The following EBF1 variants were observed in gnomAD, a reference collection of about 807,000 sequenced individuals.
EBF1 encodes transcription factor COE1.
Under a neutral mutation model 68.4 loss-of-function variants are expected in EBF1, and 10 were observed. The ratio of observed to expected loss-of-function variants is 0.15; its 90% CI spans 0.09 to 0.25. EBF1 has a LOEUF of 0.25. Ranked by LOEUF, EBF1 falls within the 10% of genes least tolerant of loss-of-function variation. The pLI is 1.00. For synonymous variants in EBF1, 298 were observed against 299.8 expected (o/e 0.99, Z 0.06); for missense variants, 509 against 794.4 (o/e 0.64, Z 4.32).
At position 158,699,037 on chromosome 5, in the gene EBF1, TG is replaced by T; in HGVS notation, c.*73del. On this transcript the variant is annotated 3_prime_UTR_variant, in exon 16 of 16. Coordinates refer to ENST00000313708, the MANE Select transcript of EBF1 (RefSeq NM_024007.5). ...AAGGCCTGAGTTAAAAGTTCCACTCTGGGACTTGTATCAGATTACTCTCTGT... is the reference window on the plus strand; with the variant it reads ...AAGGCCTGAGTTAAAAGTTCCACTCTGGACTTGTATCAGATTACTCTCTGT... 1.4e-6 allele frequency: 2 copies of T among 1,416,058 alleles called. No individual in the cohort carries two copies. Among genetic ancestry groups the T allele is most frequent in the Non-Finnish European group, 1.9e-6 (2 of 1,046,604 alleles). 87.7% of individuals were successfully genotyped at this position (1,416,058 alleles called of 1,614,324 possible).
chr5:158,758,758 T>C (rs779915424), intron 10 of EBF1, among the ~76,000 whole-genome samples: 1 of 152,180 alleles, frequency 6.6e-6, no homozygotes, highest in African/African-American at 2.4e-5. Context: ...GTATTTGTAC[T>C]TCCCAAACAT....
chr5:158,730,723 A>T (rs1237275372), intron 11 of EBF1, among the ~76,000 whole-genome samples: 1 of 152,220 alleles, frequency 6.6e-6, no homozygotes, highest in African/African-American at 2.4e-5. Context: ...GCCATGCTGC[A>T]TAGGTTCAAA....
chr5:158,907,722 C>G (rs1274878492), intron 6 of EBF1, among the ~76,000 whole-genome samples: 3 of 151,802 alleles, frequency 2.0e-5, no homozygotes, highest in Non-Finnish European at 4.4e-5. Context: ...ATCTTTGAAG[C>G]AATTATTACA....
At chr5:158,724,358 C>T (rs973883179) in intron 11 of EBF1, among the ~76,000 whole-genome samples, 12 of 152,102 alleles carry the variant, frequency 7.9e-5, no homozygotes, top group African/African-American at 2.7e-4. Context: ...GAGAGAGAGG[C>T]TAGTGTCAGT....
At chr5:158,707,841 C>A in intron 15 of EBF1, 138 bp downstream of exon 15, 1 of 1,096,330 alleles carries the variant, frequency 9.1e-7, no homozygotes, top group Non-Finnish European at 1.3e-6. Flanking sequence ...TACAAAGGAA[C>A]AGAAGAGATG....
At chr5:158,961,723 A>C (rs1818217449) in intron 6 of EBF1, among the ~76,000 whole-genome samples, 1 of 152,226 alleles carries the variant, frequency 6.6e-6, no homozygotes, top group African/African-American at 2.4e-5. Flanking sequence ...TTTCTAAAAA[A>C]TAAAAATCAT....
chr5:158,992,004 G>A (rs370699560), intron 6 of EBF1, among the ~76,000 whole-genome samples: 13 of 152,184 alleles, frequency 8.5e-5, no homozygotes, highest in African/African-American at 2.9e-4. Context: ...AAAAAGTTGA[G>A]ATGGTGGTAG....
chr5:158,941,913 G>A (rs1813506853), intron 6 of EBF1, among the ~76,000 whole-genome samples: 1 of 152,140 alleles, frequency 6.6e-6, no homozygotes, highest in Non-Finnish European at 1.5e-5. Flanking sequence ...GGATGGGAAG[G>A]ATCAGTAAAC....
chr5:158,757,684 A>C (rs1293866753), intron 10 of EBF1, among the ~76,000 whole-genome samples: 1 of 152,158 alleles, frequency 6.6e-6, no homozygotes, highest in Non-Finnish European at 1.5e-5. Context: ...CATAACCTTC[A>C]GCAAATGCTG....
intron 7 of EBF1, among the ~76,000 whole-genome samples, chr5:158,826,061 G>C (rs923477939): frequency 2.0e-5 from 3 of 151,970 alleles, no homozygotes; most frequent in African/African-American, 4.8e-5. Context: ...ACAGGCAAGG[G>C]GACAGACAAG....
At chr5:158,761,412 G>A (rs560087188) in intron 10 of EBF1, among the ~76,000 whole-genome samples, 4 of 152,262 alleles carry the variant, frequency 2.6e-5, no homozygotes, top group Admixed American at 6.5e-5. Flanking sequence ...CCCGAGTTCC[G>A]GGATGACTTG....
chr5:158,911,506 G>T (rs1347780797), intron 6 of EBF1, among the ~76,000 whole-genome samples: 3 of 152,064 alleles, frequency 2.0e-5, no homozygotes, highest in Admixed American at 2.0e-4. Context: ...TCATCCTCAG[G>T]GTGGAGAGGG....
intron 10 of EBF1, among the ~76,000 whole-genome samples, chr5:158,740,304 G>A (rs1766058780): frequency 6.6e-6 from 1 of 152,208 alleles, no homozygotes; most frequent in Non-Finnish European, 1.5e-5. Context: ...CAAACGCGGA[G>A]TTCTGGGCTG....
intron 6 of EBF1, among the ~76,000 whole-genome samples, chr5:158,963,143 C>T (rs1202604255): frequency 2.0e-5 from 3 of 152,162 alleles, no homozygotes; most frequent in African/African-American, 7.2e-5. Context: ...TGTGGAGGTC[C>T]AGGAATGAAT....
intron 6 of EBF1, among the ~76,000 whole-genome samples, chr5:159,052,335 C>T (rs1773904871): frequency 7.8e-6 from 1 of 127,598 alleles, no homozygotes; most frequent in Admixed American, 8.3e-5. Context: ...GATTAGACTC[C>T]ATTCCAAAAG....
intron 9 of EBF1, among the ~76,000 whole-genome samples, chr5:158,784,007 T>C (rs1399301390): frequency 6.6e-6 from 1 of 152,190 alleles, no homozygotes; most frequent in Non-Finnish European, 1.5e-5. Context: ...TGGAAGCATG[T>C]TGTAGAATTC....
intron 9 of EBF1, 33 bp downstream of exon 9, chr5:158,796,311 AG>A (rs753654286): frequency 6.3e-7 from 1 of 1,589,146 alleles, no homozygotes; most frequent in Admixed American, 1.7e-5. Flanking sequence ...AACTAGATCA[AG>A]CTATTAGATA....
chr5:158,808,828 T>C (rs929826063), intron 8 of EBF1, among the ~76,000 whole-genome samples: 1 of 152,100 alleles, frequency 6.6e-6, no homozygotes, highest in Non-Finnish European at 1.5e-5. Context: ...TCTCCAAACA[T>C]CCTTTGCATG....
intron 9 of EBF1, among the ~76,000 whole-genome samples, 192 bp from the exon 10 acceptor site, chr5:158,777,731 A>G (rs1456287849): frequency 6.6e-6 from 1 of 152,178 alleles, no homozygotes; most frequent in Non-Finnish European, 1.5e-5. Flanking sequence ...AGCCATAACA[A>G]TATTATCTGG....
Sources: gnomAD v4.1 joint callset for allele counts (sites outside exome capture counted in the v4.1 genomes callset) on GRCh38, gnomAD v4.1.1 for gene constraint, MANE v1.5 for transcripts, NCBI Gene and HGNC (gene_info 2026-07-23, HGNC 2026-07-21) for gene names.